The following GNG2 variants were observed in gnomAD, a reference collection of about 807,000 sequenced individuals.
GNG2 encodes guanine nucleotide-binding protein G(I)/G(S)/G(O) subunit gamma-2.
GNG2 carries 5 observed loss-of-function variants against 5.5 expected under a neutral mutation model. The observed-to-expected ratio is 0.91, with a 90% CI of 0.48 to 1.92. The LOEUF is 1.92. Among genes scored for constraint, GNG2 ranks in the 30% most tolerant of loss-of-function variants. The pLI is 0.01. For synonymous variants in GNG2, 28 were observed against 32.0 expected (o/e 0.88, Z 0.42); for missense variants, 55 against 88.4 (o/e 0.62, Z 1.52).
intron 2 of GNG2, among the ~76,000 whole-genome samples, chr14:51,926,603 C>A (rs1042789095): frequency 2.0e-5 from 3 of 152,210 alleles, no homozygotes; most frequent in African/African-American, 7.2e-5. Flanking sequence ...CCGGCCTGCG[C>A]ACTGGGCAGA....
chr14:51,910,040 C>T (rs1275864026), intron 2 of GNG2, among the ~76,000 whole-genome samples: 3 of 152,160 alleles, frequency 2.0e-5, no homozygotes, highest in Admixed American at 1.3e-4. Flanking sequence ...CAGCGTGGGG[C>T]GGAAGCTATG....
chr14:51,928,578 C>T (rs1887475635), intron 2 of GNG2, among the ~76,000 whole-genome samples: 1 of 152,098 alleles, frequency 6.6e-6, no homozygotes, highest in Non-Finnish European at 1.5e-5. Context: ...CAAGGAAGCT[C>T]CTGTGGCAAA....
chr14:51,859,519 C>T (rs968390590), upstream of GNG2, among the ~76,000 whole-genome samples: 7 of 152,326 alleles, frequency 4.6e-5, no homozygotes, highest in African/African-American at 1.4e-4. Context: ...GTGCCGAATA[C>T]GTCCTATATC....
rs1483790094 is a variant in GNG2, at chr14:51,966,770, C to G, written c.*83C>G. 8.3e-7 allele frequency: 1 copy of G among 1,204,710 alleles called. No homozygotes were observed. Among genetic ancestry groups the G allele is most frequent in the Non-Finnish European group, 1.2e-6 (1 of 813,122 alleles). The allele number at this position is 1,204,710 out of a possible 1,614,324, so 74.6% of individuals were successfully genotyped here. A position where few individuals can be genotyped will look rare whatever the true frequency, so the allele number is the denominator to read the frequency against. ...TAGTGAAGTGGGCACCTTTCTAGTC[C>G]ACGGCATTTGAAGAGAGCGAGGAGA... is the stretch of plus-strand genomic sequence containing the variant. On this transcript the variant is annotated 3_prime_UTR_variant, in exon 4 of 4. Transcript: ENST00000556766.
At chr14:51,962,497 T>C (rs551395329) in intron 3 of GNG2, among the ~76,000 whole-genome samples, 9 of 152,192 alleles carry the variant, frequency 5.9e-5, no homozygotes, top group Non-Finnish European at 1.0e-4. Flanking sequence ...TGTAAATTTT[T>C]TGTATTATTT....
chr14:51,904,507 G>A (rs139521305), intron 2 of GNG2, among the ~76,000 whole-genome samples: 2 of 152,264 alleles, frequency 1.3e-5, no homozygotes, highest in Admixed American at 1.3e-4. Flanking sequence ...GATGTTGTTG[G>A]GATGAACTGC....
chr14:51,890,235 C>G (rs1194040335), intron 2 of GNG2, among the ~76,000 whole-genome samples: 1 of 152,144 alleles, frequency 6.6e-6, no homozygotes, highest in Admixed American at 6.5e-5. Context: ...GAATCAGGAC[C>G]AACATTGTAA....
chr14:51,857,363 G>A (rs934664551), upstream of GNG2, among the ~76,000 whole-genome samples: 9 of 152,208 alleles, frequency 5.9e-5, no homozygotes, highest in Admixed American at 5.9e-4. Context: ...TCAGGAACCT[G>A]TTGTGAAGGT....
intron 2 of GNG2, among the ~76,000 whole-genome samples, chr14:51,881,701 C>CTTTTTTTTTTTTTTTTTTTTTTTT (rs58544362): frequency 9.6e-6 from 1 of 104,222 alleles, no homozygotes; most frequent in African/African-American, 3.7e-5. Context: ...AGCTGGAAGA[C>CTTTTTTTTTTTTTTTTTTTTTTTT]TTTTTTTTTT....
At chr14:51,903,393 T>C (rs1172490230) in intron 2 of GNG2, among the ~76,000 whole-genome samples, 2 of 152,192 alleles carry the variant, frequency 1.3e-5, no homozygotes, top group Non-Finnish European at 2.9e-5. Context: ...CAATGCTCTG[T>C]GTTTTTGGCA....
In GNG2 at chr14:51,870,315, C is replaced by T. The variant is rs190401568; in HGVS notation, c.-70-7302C>T. 2.4e-4 allele frequency among the ~76,000 whole-genome samples: 36 copies of T among 151,396 alleles called. 1 individual carries two copies. Among genetic ancestry groups the T allele is most frequent in the Admixed American group, 1.2e-3 (18 of 15,244 alleles). ...AGGTAGGCCAGAGGAAGAATCCTGG[C>T]GAAAAACACAGACTGGAGAAAGCTA... On this transcript the variant is annotated intron_variant, in intron 1 of 3. Coordinates refer to ENST00000556766, the MANE Select transcript of GNG2 (RefSeq NM_053064.5).
At chr14:51,934,606 T>C (rs1302335158) in intron 2 of GNG2, among the ~76,000 whole-genome samples, 2 of 152,108 alleles carry the variant, frequency 1.3e-5, no homozygotes, top group Non-Finnish European at 2.9e-5. Flanking sequence ...CTCAGCAAAG[T>C]TGAAAGTCAA....
chr14:51,847,672 T>TCC (rs1278296751), intron 2 of GNG2, among the ~76,000 whole-genome samples: 31 of 152,148 alleles, frequency 2.0e-4, no homozygotes, highest in Non-Finnish European at 8.8e-5. Flanking sequence ...GGTTGAGTTT[T>TCC]ATCACAGACG....
upstream of GNG2, among the ~76,000 whole-genome samples, chr14:51,855,425 G>T (rs1882111670): frequency 6.6e-6 from 1 of 152,148 alleles, no homozygotes; most frequent in African/African-American, 2.4e-5. Flanking sequence ...CCTAACAGCT[G>T]GGCTTAGGCT....
At chr14:51,881,130 A>G (rs1884041831) in intron 2 of GNG2, among the ~76,000 whole-genome samples, 1 of 152,144 alleles carries the variant, frequency 6.6e-6, no homozygotes, top group Admixed American at 6.5e-5. Flanking sequence ...TACTGAGGTG[A>G]CCACAGGACC....
chr14:51,860,138 T>C (rs1419085561), upstream of GNG2, among the ~76,000 whole-genome samples: 1 of 150,676 alleles, frequency 6.6e-6, no homozygotes, highest in African/African-American at 2.5e-5. Flanking sequence ...GCTGGCTTGA[T>C]GGGGACCACA....
At chr14:51,936,292 T>C (rs1312115761) in intron 2 of GNG2, among the ~76,000 whole-genome samples, 1 of 152,216 alleles carries the variant, frequency 6.6e-6, no homozygotes, top group Non-Finnish European at 1.5e-5. Flanking sequence ...CTCCATGGTA[T>C]ACATTAAGTA....
intron 2 of GNG2, among the ~76,000 whole-genome samples, chr14:51,908,139 G>T (rs989823790): frequency 5.3e-5 from 8 of 152,196 alleles, no homozygotes; most frequent in African/African-American, 1.9e-4. Context: ...GCTTAAGTGG[G>T]CCTGGAGGAT....
At chr14:51,934,497 C>T (rs1887851779) in intron 2 of GNG2, among the ~76,000 whole-genome samples, 1 of 152,122 alleles carries the variant, frequency 6.6e-6, no homozygotes. Flanking sequence ...TGAACTGGCA[C>T]AAAGAACTAG....
Sources: allele counts gnomAD v4.1 joint callset (sites outside exome capture counted in the v4.1 genomes callset), GRCh38; gene constraint gnomAD v4.1.1; transcripts MANE v1.5; gene names NCBI Gene and HGNC (gene_info 2026-07-23, HGNC 2026-07-21).